ZCCHC7: variants seen among roughly 807,000 people sequenced by gnomAD.
ZCCHC7 encodes the protein zinc finger CCHC domain-containing protein 7.
A neutral mutation model predicts 52.0 loss-of-function variants in ZCCHC7; 35 were observed. The observed-to-expected ratio is 0.67, with a 90% confidence interval of 0.51 to 0.89. The LOEUF (loss-of-function observed/expected upper bound fraction) is 0.89. ZCCHC7 is among the 40% of genes least tolerant of loss of function. ZCCHC7 has a pLI of 0.00. For missense variants in ZCCHC7, 574 were observed against 649.1 expected (o/e 0.88, Z 1.26); for synonymous variants, 217 against 221.5 (o/e 0.98, Z 0.18).
At chr9:37,339,626 C>G (rs1830831666) in intron 6 of ZCCHC7, among the ~76,000 whole-genome samples, 1 of 152,136 alleles carries the variant, frequency 6.6e-6, no homozygotes, top group African/African-American at 2.4e-5. Flanking sequence ...AGATTGGAGC[C>G]AAGCTCTACT....
chr9:37,175,660 C>A (rs551799346), intron 2 of ZCCHC7, among the ~76,000 whole-genome samples: 97 of 152,252 alleles, frequency 6.4e-4, no homozygotes, highest in African/African-American at 2.1e-3. Context: ...ATCGATTAAA[C>A]CCCCGAGGAG....
rs56378965 is a variant in ZCCHC7 at position 37,296,881 on chromosome 9, T to TTGTGTGTGTGTGTGTGTGTG, written c.611-5279_611-5260dup. 1.6e-3 allele frequency among the ~76,000 whole-genome samples: 194 copies of TTGTGTGTGTGTGTGTGTGTG among 124,196 alleles called. 9 individuals carry two copies. The highest frequency in any genetic ancestry group is 4.2e-3 in the Middle Eastern group (1 of 238). The allele number at this position is 124,196 out of a possible 152,430, so 81.5% of individuals were successfully genotyped here. On this transcript the variant is annotated intron_variant, in intron 2 of 8. Coordinates refer to ENST00000336755, the MANE Select transcript of ZCCHC7 (RefSeq NM_032226.3). ...GCATGCACCACCATACCTGGCTAGT[T>TTGTGTGTGTGTGTGTGTGTG]TGTGTGTGTGTGTGTGTGTGTGTGT...
At chr9:37,255,073 G>A (rs1023707652) in intron 2 of ZCCHC7, among the ~76,000 whole-genome samples, 1 of 151,764 alleles carries the variant, frequency 6.6e-6, no homozygotes, top group Non-Finnish European at 1.5e-5. Context: ...GTCTAAAACT[G>A]CAGATAGTAC....
intron 6 of ZCCHC7, among the ~76,000 whole-genome samples, chr9:37,349,143 A>G (rs1821204047): frequency 6.6e-6 from 1 of 152,238 alleles, no homozygotes; most frequent in African/African-American, 2.4e-5. Flanking sequence ...TGAGGAGGGA[A>G]GAAGGAGAGG....
intron 5 of ZCCHC7, among the ~76,000 whole-genome samples, chr9:37,311,330 T>C (rs542113458): frequency 6.6e-6 from 1 of 152,338 alleles, no homozygotes; most frequent in African/African-American, 2.4e-5. Flanking sequence ...TCCCAGTCCA[T>C]GCTAAATAAC....
intron 2 of ZCCHC7, among the ~76,000 whole-genome samples, chr9:37,206,436 C>T (rs1302256299): frequency 6.6e-6 from 1 of 152,018 alleles, no homozygotes; most frequent in Non-Finnish European, 1.5e-5. Flanking sequence ...TGGCTCAGCG[C>T]AACCTGCTGG....
chr9:37,352,061 C>T (rs1821412607), intron 7 of ZCCHC7, among the ~76,000 whole-genome samples: 1 of 152,158 alleles, frequency 6.6e-6, no homozygotes. Flanking sequence ...AGCCAACTAT[C>T]AATTGTCTGT....
At chr9:37,190,856 T>A in intron 2 of ZCCHC7, among the ~76,000 whole-genome samples, 1 of 150,776 alleles carries the variant, frequency 6.6e-6, no homozygotes, top group East Asian at 1.9e-4. Flanking sequence ...CTGTCTCTAC[T>A]AAAAAAAAAT....
At chr9:37,205,818 C>T (rs1430050690) in intron 2 of ZCCHC7, among the ~76,000 whole-genome samples, 1 of 152,050 alleles carries the variant, frequency 6.6e-6, no homozygotes, top group African/African-American at 2.4e-5. Context: ...GCCCAGCCAG[C>T]TCCACTTTTT....
Position 37,216,861 on chromosome 9 carries a change from T to A in ZCCHC7, c.611-85327T>A, listed in dbSNP as rs867892514. On this transcript the variant is annotated intron_variant, in intron 2 of 8. Transcript: ENST00000336755. ...TATGTTAACTGTTATGAAAGCCTCT[T>A]ATTTTTAAAATGTTCTTAAGTAGTT... Among the ~76,000 whole-genome samples the A allele has an allele frequency of 1.7e-4, 26 of 152,158 alleles. 1 individual carries two copies. The highest frequency in any genetic ancestry group is 6.5e-5 in the Admixed American group (1 of 15,286).
intron 2 of ZCCHC7, among the ~76,000 whole-genome samples, chr9:37,296,335 A>G (rs1041943288): frequency 3.3e-5 from 5 of 152,244 alleles, no homozygotes; most frequent in Non-Finnish European, 7.3e-5. Context: ...AATAAGTTTT[A>G]TGCTATTACT....
intron 2 of ZCCHC7, among the ~76,000 whole-genome samples, chr9:37,231,968 CTCT>C (rs1588520881): frequency 6.6e-6 from 1 of 152,294 alleles, no homozygotes; most frequent in African/African-American, 2.4e-5. Flanking sequence ...ATCCTGGAGT[CTCT>C]TCTTTTTGTT....
chr9:37,200,057 C>T (rs1003162836), intron 2 of ZCCHC7, among the ~76,000 whole-genome samples: 4 of 152,104 alleles, frequency 2.6e-5, no homozygotes, highest in East Asian at 1.9e-4. Flanking sequence ...CCCATTTGTG[C>T]GCCACCATTA....
chr9:37,281,660 A>G (rs1231646174), intron 2 of ZCCHC7, among the ~76,000 whole-genome samples: 2 of 152,204 alleles, frequency 1.3e-5, no homozygotes, highest in African/African-American at 4.8e-5. Flanking sequence ...ACTGTTTGGT[A>G]TGGCGTTTTG....
intron 2 of ZCCHC7, among the ~76,000 whole-genome samples, chr9:37,210,292 A>G (rs1007863523): frequency 6.6e-6 from 1 of 152,206 alleles, no homozygotes; most frequent in Non-Finnish European, 1.5e-5. Context: ...AAAAGTCTGC[A>G]TTTGCAGCCG....
At chr9:37,353,684 G>A (rs964323887) in intron 7 of ZCCHC7, among the ~76,000 whole-genome samples, 7 of 152,142 alleles carry the variant, frequency 4.6e-5, no homozygotes, top group Admixed American at 3.9e-4. Flanking sequence ...TTTATAAATT[G>A]TGTGTTTAGA....
chr9:37,223,756 C>T (rs1824948614), intron 2 of ZCCHC7, among the ~76,000 whole-genome samples: 1 of 152,024 alleles, frequency 6.6e-6, no homozygotes, highest in African/African-American at 2.4e-5. Flanking sequence ...GTCTTTACTA[C>T]AGAGTTGGAA....
chr9:37,331,434 G>A (rs907697873), intron 6 of ZCCHC7, among the ~76,000 whole-genome samples: 9 of 151,590 alleles, frequency 5.9e-5, no homozygotes, highest in African/African-American at 2.2e-4. Flanking sequence ...TTTATACTGA[G>A]TGAGAATGTT....
chr9:37,203,700 T>G (rs917723453), intron 2 of ZCCHC7, among the ~76,000 whole-genome samples: 2 of 152,204 alleles, frequency 1.3e-5, no homozygotes, highest in Non-Finnish European at 2.9e-5. Flanking sequence ...CTTTATCCAG[T>G]CTATCATTAA....
Sources: gnomAD v4.1 joint callset for allele counts (sites outside exome capture counted in the v4.1 genomes callset) on GRCh38, gnomAD v4.1.1 for gene constraint, MANE v1.5 for transcripts, NCBI Gene and HGNC (gene_info 2026-07-23, HGNC 2026-07-21) for gene names.